FLG: variants seen among roughly 807,000 people sequenced by gnomAD.
FLG encodes the protein epidermal filaggrin.
A neutral mutation model predicts 3.8 loss-of-function variants in FLG; 6 were observed. That is an observed-to-expected ratio of 1.60 (90% CI 0.87 to 3.15). The LOEUF (loss-of-function observed/expected upper bound fraction) is 3.15. Ranked by LOEUF, FLG falls within the 30% of genes most tolerant of loss-of-function variation. The pLI is 0.00. For missense variants in FLG, 7,595 were observed against 5,050.9 expected (o/e 1.50, Z -15.27); for synonymous variants, 2,551 against 1,931.6 (o/e 1.32, Z -8.41).
chr1:152,321,095 CATATATATGTATATAAACACATACAT>C (rs1282024217), intron 1 of FLG, among the ~76,000 whole-genome samples: 28 of 150,758 alleles, frequency 1.9e-4, no homozygotes, highest in Admixed American at 6.6e-5. Flanking sequence ...TATACACTCA[CATATATATGTATATAAACACATACAT>C]ATATATATGA....
Position 152,311,689 on chromosome 1 carries a change from G to C in FLG, c.3197C>G (p.Ser1066Cys). ...ACTATCACTGGCCTGACTACCACTGGACCCCCAGTGTCCACTGTCTCTGAC... is the reference window on the plus strand; with the variant it reads ...ACTATCACTGGCCTGACTACCACTGCACCCCCAGTGTCCACTGTCTCTGAC... Reference protein sequence around the residue: ...SAVRDSGHWGSSGSQASDSEG... With the variant: ...SAVRDSGHWGCSGSQASDSEG... The change falls in exon 3 of 3, where the codon TCC (serine) becomes TGC (cysteine). Residue 1066 changes from serine (S) to cysteine (C), a missense_variant. Ser to Cys is a moderately radical substitution (Grantham distance 112). Coordinates refer to ENST00000368799, the MANE Select transcript of FLG (RefSeq NM_002016.2). 6.2e-7 allele frequency: 1 copy of C among 1,613,948 alleles called. No individual in the cohort carries two copies. Among genetic ancestry groups the C allele is most frequent in the Non-Finnish European group, 8.5e-7 (1 of 1,179,988 alleles).
chr1:152,320,893 A>C (rs1361458490), intron 1 of FLG, among the ~76,000 whole-genome samples: 3 of 150,976 alleles, frequency 2.0e-5, no homozygotes, highest in Non-Finnish European at 4.5e-5. Flanking sequence ...AAAAATCTTT[A>C]AGTGTTTGAA....
rs1286684668 is a variant in FLG, at chr1:152,310,029, A to C, written c.4857T>G (p.Tyr1619Ter). 1 of 1,613,590 alleles carries C rather than the reference A, an allele frequency of 6.2e-7. No individual in the cohort carries two copies. Among genetic ancestry groups the C allele is most frequent in the Non-Finnish European group, 8.5e-7 (1 of 1,179,932 alleles). ...RRSESASRNH[Y>*]GSAREQSRHG... ...GTCTTGACTGCTCCCGAGCAGATCC[A>C]TAATGGTTTCTGGAAGCCGACTCAG... The change falls in exon 3 of 3, where the codon TAT (tyrosine) becomes TAG (stop). Residue 1619 changes from tyrosine (Y) to a stop codon, truncating the protein, a stop_gained. Coordinates refer to ENST00000368799, the MANE Select transcript of FLG (RefSeq NM_002016.2). LOFTEE classifies it low-confidence loss of function (END_TRUNC).
intron 1 of FLG, among the ~76,000 whole-genome samples, chr1:152,317,050 G>T (rs1367427992): frequency 6.6e-6 from 1 of 151,880 alleles, no homozygotes; most frequent in African/African-American, 2.4e-5. Flanking sequence ...CTTTATTTAG[G>T]GTAATAAACA....
rs762288228 is a variant in FLG, at chr1:152,312,670, T to C, written c.2216A>G (p.His739Arg). Residue 739 changes from histidine (H) to arginine (R), a missense_variant, in exon 3 of 3, where the codon CAC (histidine) becomes CGC (arginine). By Grantham distance (29) the His-to-Arg change is conservative (BLOSUM62 0). Coordinates refer to ENST00000368799, the MANE Select transcript of FLG (RefSeq NM_002016.2). ...GGCCTGACTACCACTGGACCCTCGG[T>C]GTCCACTGTCTCTGACTGCAGATGA... is the stretch of plus-strand genomic sequence containing the variant. ...QASSAVRDSG[H>R]RGSSGSQATD... The C allele has an allele frequency of 9.3e-6, 15 of 1,613,882 alleles. No individual in the cohort carries two copies. Among genetic ancestry groups the C allele is most frequent in the Non-Finnish European group, 1.3e-5 (15 of 1,180,014 alleles).
In FLG at chr1:152,315,380, T is replaced by G; in HGVS notation, c.77A>C (p.Asp26Ala). 6.2e-7 allele frequency: 1 copy of G among 1,612,846 alleles called. No individual in the cohort carries two copies. The highest frequency in any genetic ancestry group is 8.5e-7 in the Non-Finnish European group (1 of 1,179,256). The change falls in exon 2 of 3, where the codon GAC becomes GCC. Residue 26 changes from aspartate (D) to alanine (A), a missense_variant. Coordinates refer to ENST00000368799, the MANE Select transcript of FLG (RefSeq NM_002016.2). ...CTTCAGCTCTTTTTTACTCAATGTG[T>G]CAGTGTTTTTATCTTTTTTTGAATA... ...KQYSKKDKNTDTLSKKELKEL... is the reference protein window; with the variant it reads ...KQYSKKDKNTATLSKKELKEL...
At position 152,313,060 on chromosome 1, in the gene FLG, G is replaced by T. The variant is rs145119819; in HGVS notation, c.1826C>A (p.Ser609Ter). The T allele has an allele frequency of 4.6e-5, 74 of 1,613,850 alleles. No homozygotes were observed. Among genetic ancestry groups the T allele is most frequent in the African/African-American group, 8.0e-5 (6 of 74,904 alleles). ...RHSQVGQGQS[S>*]GPRTSRNQGS... ...CTGGTTCCTACTTGTCCTGGGCCCC[G>T]ATGATTGTCCCTGGCCCACCTGTGA... Residue 609 changes from serine (S) to a stop codon, truncating the protein, a stop_gained, in exon 3 of 3, where the codon TCG (serine) becomes TAG (stop). Transcript: ENST00000368799. LOFTEE classifies it low-confidence loss of function (END_TRUNC).
At position 152,302,448 on chromosome 1, in the gene FLG, T is replaced by C. The variant is rs1651668234; in HGVS notation, c.*252A>G. On this transcript the variant is annotated 3_prime_UTR_variant, in exon 3 of 3. Transcript: ENST00000368799. ...TTACTTGACCCAGAATCTCCTAAAATACTCCAGCTAGTTTTCTAAAGTTAG... is the reference window on the plus strand; with the variant it reads ...TTACTTGACCCAGAATCTCCTAAAACACTCCAGCTAGTTTTCTAAAGTTAG... 1.4e-5 allele frequency: 7 copies of C among 509,910 alleles called. No homozygotes were observed. The East Asian group carries it at 2.5e-4, about 18-fold the overall frequency. The allele number at this position is 509,910 out of a possible 1,614,324, so 31.6% of individuals were successfully genotyped here.
At chr1:152,317,426 AT>A (rs1337226528) in intron 1 of FLG, among the ~76,000 whole-genome samples, 1 of 152,074 alleles carries the variant, frequency 6.6e-6, no homozygotes, top group East Asian at 1.9e-4. Flanking sequence ...CAAGTAAAAA[AT>A]ATCCTTCATA....
In FLG at chr1:152,313,208, C is replaced by T; in HGVS notation, c.1678G>A (p.Gly560Arg). ...TSQGRSDASH[G>R]QSGSRSASRQ... ...CTTGCACTTCTGGATCCTGACTGCC[C>T]ATGGGAGGCATCAGACCTTCCCTGG... Residue 560 changes from glycine (G) to arginine (R), a missense_variant, in exon 3 of 3, where the codon GGG becomes AGG. Transcript: ENST00000368799. 1.9e-6 allele frequency: 3 copies of T among 1,613,846 alleles called. No homozygotes were observed. Among genetic ancestry groups the T allele is most frequent in the East Asian group, 2.2e-5 (1 of 44,836 alleles).
In FLG at chr1:152,314,017, C is replaced by T. The variant is rs757787640; in HGVS notation, c.869G>A (p.Arg290Lys). Residue 290 changes from arginine to lysine, a missense_variant, in exon 3 of 3, where the codon AGA (arginine) becomes AAA (lysine). Coordinates refer to ENST00000368799, the MANE Select transcript of FLG (RefSeq NM_002016.2). ...SQVPLQESRT[R>K]KRRGSRVSQD... ...GCTAACTCTGGATCCCCTACGCTTT[C>T]TTGTCCTGGACTCCTGCAATGGTAC... The T allele has an allele frequency of 2.5e-6, 4 of 1,614,098 alleles. No homozygotes were observed. Among genetic ancestry groups the T allele is most frequent in the Admixed American group, 3.3e-5 (2 of 60,008 alleles).
chr1:152,310,740 G>A lies in FLG; in HGVS notation c.4146C>T (p.Val1382=), dbSNP rs1371757463. ...GIGHRQASSA[V]RDSGHRGSSG... The stretch of plus-strand genomic sequence containing the variant: ...TGGACCCTCGGTGTCCACTGTCTCT[G>A]ACTGCAGATGAAGCTTGTCTGTGCC... The change falls in exon 3 of 3, where the codon GTC becomes GTT. Residue 1382 remains valine (V), a synonymous_variant. Transcript: ENST00000368799. 7 of 1,613,954 alleles carry A rather than the reference G, an allele frequency of 4.3e-6. No homozygotes were observed. Among genetic ancestry groups the A allele is most frequent in the African/African-American group, 1.3e-5 (1 of 74,876 alleles).
rs148518212 is a variant in FLG at position 152,310,125 on chromosome 1, G to A, written c.4761C>T (p.Ser1587=). 1.2e-6 allele frequency: 2 copies of A among 1,613,928 alleles called. No individual in the cohort carries two copies. Among genetic ancestry groups the A allele is most frequent in the East Asian group, 4.5e-5 (2 of 44,818 alleles). The change falls in exon 3 of 3, where the codon AGC becomes AGT. Residue 1587 remains serine, a synonymous_variant. Transcript: ENST00000368799. ...GACTAACACTGGATCCCTGGCGCCT[G>A]CTTGTCTTGGACCCCGCTGATTCTC... The part of the protein sequence containing the change: ...GQGESAGSKT[S]RRQGSSVSQD...
In FLG at chr1:152,313,967, A is replaced by C. The variant is rs778543583; in HGVS notation, c.919T>G (p.Ser307Ala). Residue 307 changes from serine (S) to alanine (A), a missense_variant, in exon 3 of 3, where the codon TCA becomes GCA. By Grantham distance (99) the Ser-to-Ala change is moderately conservative. Coordinates refer to ENST00000368799, the MANE Select transcript of FLG (RefSeq NM_002016.2). ...VSQDRDSEGH[S>A]EDSERHSGSA... The stretch of plus-strand genomic sequence containing the variant: ...CCAGAGTGCCTCTCAGAGTCTTCTG[A>C]GTGTCCCTCACTGTCCCTGTCCTGG... The C allele has an allele frequency of 5.0e-6, 8 of 1,613,988 alleles. No homozygotes were observed. The South Asian group carries it at 8.8e-5, about 18-fold the overall frequency.
Position 152,305,104 on chromosome 1 carries a change from C to G in FLG, c.9782G>C (p.Arg3261Thr). The stretch of plus-strand genomic sequence containing the variant: ...GTCTGCAGAGTGCCCGTGACCGGCT[C>G]TGTCTTCGTGATGGGACCTGGGGTG... ...SRHPRSHHED[R>T]AGHGHSADRS... The change falls in exon 3 of 3, where the codon AGA becomes ACA. Residue 3261 changes from arginine (R) to threonine (T), a missense_variant. Physicochemically the swap from Arg to Thr is moderately conservative, Grantham distance 71 (BLOSUM62 -1). Coordinates refer to ENST00000368799, the MANE Select transcript of FLG (RefSeq NM_002016.2). 6.2e-7 allele frequency: 1 copy of G among 1,613,936 alleles called. No homozygotes were observed. Among genetic ancestry groups the G allele is most frequent in the Non-Finnish European group, 8.5e-7 (1 of 1,179,976 alleles).
rs561151352 is a variant in FLG at position 152,302,802 on chromosome 1, A to G, written c.12084T>C (p.Tyr4028=). 5.6e-6 allele frequency: 9 copies of G among 1,614,222 alleles called. No individual in the cohort carries two copies. The South Asian group carries it at 8.8e-5, about 16-fold the overall frequency. ...SAFGKDHPRY[Y]ATYINKDPGL... is the part of the protein sequence containing the mutation. ...CTGGGTCCTTATTAATATACGTTGC[A>G]TAATACCTTGGATGATCTTTACCAA... The change falls in exon 3 of 3, where the codon TAT becomes TAC. Residue 4028 remains tyrosine (Y), a synonymous_variant. Coordinates refer to ENST00000368799, the MANE Select transcript of FLG (RefSeq NM_002016.2).
At position 152,311,124 on chromosome 1, in the gene FLG, C is replaced by T. The variant is rs138551548; in HGVS notation, c.3762G>A (p.Gln1254=). The T allele has an allele frequency of 1.2e-6, 2 of 1,613,814 alleles. No individual in the cohort carries two copies. The highest frequency in any genetic ancestry group is 2.7e-5 in the African/African-American group (2 of 74,852). The change falls in exon 3 of 3, where the codon CAG becomes CAA. Residue 1254 remains glutamine (Q), a synonymous_variant. Transcript: ENST00000368799. The part of the protein sequence containing the change: ...ADSSRHSQVG[Q]EQSSGSRTSR... ...TTGTCCTGGACCCCGATGATTGTTC[C>T]TGTCCCACCTGTGAGTGTCTAGAGC...
chr1:152,317,476 C>G (rs532521088), intron 1 of FLG, among the ~76,000 whole-genome samples: 3 of 152,174 alleles, frequency 2.0e-5, no homozygotes, highest in African/African-American at 7.2e-5. Context: ...TTACATATTA[C>G]TTGACATATC....
At position 152,303,836 on chromosome 1, in the gene FLG, G is replaced by C; in HGVS notation, c.11050C>G (p.Gln3684Glu). ...TGGCTCTGCTGATGGGGCCCAGCCT[G>C]TCCGTGGGCTGACACTGACTGTGTG... ...SDTQSVSAHG[Q>E]AGPHQQSHQE... Residue 3684 changes from glutamine to glutamate, a missense_variant, in exon 3 of 3, where the codon CAG (glutamine) becomes GAG (glutamate). Transcript: ENST00000368799. 6.2e-7 allele frequency: 1 copy of C among 1,613,710 alleles called. No homozygotes were observed. Among genetic ancestry groups the C allele is most frequent in the Admixed American group, 1.7e-5 (1 of 59,974 alleles).
Sources: gnomAD v4.1 joint callset for allele counts (sites outside exome capture counted in the v4.1 genomes callset) on GRCh38, gnomAD v4.1.1 for gene constraint, MANE v1.5 for transcripts, NCBI Gene and HGNC (gene_info 2026-07-23, HGNC 2026-07-21) for gene names.